The following GCNT1 variants were observed in gnomAD, a reference collection of about 807,000 sequenced individuals.
The protein encoded by GCNT1 is glucosaminyl (N-acetyl) transferase 1, also known as beta-1,3-galactosyl-O-glycosyl-glycoprotein beta-1,6-N-acetylglucosaminyltransferase.
A neutral mutation model predicts 26.2 loss-of-function variants in GCNT1; 16 were observed. That is an observed-to-expected ratio of 0.61 (90% CI 0.41 to 0.93). The LOEUF is 0.93. GCNT1 is among the 40% of genes least tolerant of loss of function. The pLI is 0.00. For synonymous variants in GCNT1, 183 were observed against 190.8 expected (o/e 0.96, Z 0.34); for missense variants, 477 against 526.7 (o/e 0.91, Z 0.92).
At chr9:76,443,659 G>C (rs1409384934) in intron 1 of GCNT1, among the ~76,000 whole-genome samples, 1 of 152,150 alleles carries the variant, frequency 6.6e-6, no homozygotes, top group Non-Finnish European at 1.5e-5. Context: ...TTTATGGCCA[G>C]TTTTGGGGCC....
chr9:76,479,703 G>C (rs1336597961), intron 2 of GCNT1, among the ~76,000 whole-genome samples: 1 of 152,136 alleles, frequency 6.6e-6, no homozygotes, highest in East Asian at 1.9e-4. Context: ...CTTGTTGATG[G>C]GGTTGTTTGT....
intron 2 of GCNT1, among the ~76,000 whole-genome samples, chr9:76,484,988 C>T (rs1824532941): frequency 6.6e-6 from 1 of 152,004 alleles, no homozygotes; most frequent in Non-Finnish European, 1.5e-5. Flanking sequence ...GGGGTTTCAC[C>T]ATGTTGGCCA....
chr9:76,491,536 C>T lies in GCNT1; in HGVS notation c.-289-9380C>T, dbSNP rs923174400. 1.6e-4 allele frequency among the ~76,000 whole-genome samples: 25 copies of T among 152,272 alleles called. No individual in the cohort carries two copies. In the East Asian group the frequency reaches 1.9e-3, roughly 12 times the overall value. ...TTTTCCCTTTCCCAGTTTTAAGGCTCGGGTAAGTGCCACTGGTTCTGCTAA... is the reference window on the plus strand; with the variant it reads ...TTTTCCCTTTCCCAGTTTTAAGGCTTGGGTAAGTGCCACTGGTTCTGCTAA... On this transcript the variant is annotated intron_variant, in intron 2 of 3. Coordinates refer to ENST00000376730, the MANE Select transcript of GCNT1 (RefSeq NM_001490.5).
intron 1 of GCNT1, among the ~76,000 whole-genome samples, chr9:76,434,587 A>G (rs1259274840): frequency 6.6e-6 from 1 of 152,170 alleles, no homozygotes; most frequent in Non-Finnish European, 1.5e-5. Flanking sequence ...ATCTGATTGT[A>G]AAACATGTGT....
the GCNT1 span, among the ~76,000 whole-genome samples, chr9:76,413,662 TTTTTTG>T: frequency 2.6e-5 from 3 of 114,550 alleles, no homozygotes; most frequent in South Asian, 2.7e-4. Flanking sequence ...TGTTTTTTTT[TTTTTTG>T]TTTTTTTTTT....
At chr9:76,478,977 AGG>A (rs1275670578) in intron 2 of GCNT1, among the ~76,000 whole-genome samples, 1 of 152,174 alleles carries the variant, frequency 6.6e-6, no homozygotes, top group Non-Finnish European at 1.5e-5. Context: ...CATTTACATT[AGG>A]TATATCTCCT....
At chr9:76,412,315 A>T in the GCNT1 span, among the ~76,000 whole-genome samples, 46 of 152,310 alleles carry the variant, frequency 3.0e-4, no homozygotes, top group East Asian at 3.9e-4. Context: ...CCAATTAAAA[A>T]TTTTTTAAGT....
rs978893321 is a variant in GCNT1, at chr9:76,503,520, T to A, written c.1139T>A (p.Val380Glu). 1.9e-6 allele frequency: 3 copies of A among 1,614,042 alleles called. No individual in the cohort carries two copies. The highest frequency in any genetic ancestry group is 1.3e-5 in the African/African-American group (1 of 74,930). The change falls in exon 4 of 4, where the codon GTG becomes GAG. Residue 380 changes from valine to glutamate, a missense_variant. By Grantham distance (121) the Val-to-Glu change is moderately radical. Transcript: ENST00000376730. The stretch of plus-strand genomic sequence containing the variant: ...TGCGATGGAGTCCATGTGCGCTCAG[T>A]GTGCATTTTCGGAGCTGGTGACTTG... The part of the protein sequence containing the change: ...PPCDGVHVRS[V>E]CIFGAGDLNW...
At chr9:76,398,246 A>G in the GCNT1 span, among the ~76,000 whole-genome samples, 41 of 152,270 alleles carry the variant, frequency 2.7e-4, 1 homozygote, top group Admixed American at 2.7e-3. Flanking sequence ...GAATTCTTAA[A>G]ATTCAGCAAT....
intron 2 of GCNT1, among the ~76,000 whole-genome samples, chr9:76,495,127 G>A (rs529401905): frequency 1.3e-5 from 2 of 152,296 alleles, no homozygotes; most frequent in Admixed American, 6.5e-5. Context: ...AAAGGGGTCC[G>A]ATGGTACTCA....
intron 1 of GCNT1, among the ~76,000 whole-genome samples, chr9:76,449,043 C>T (rs1436888292): frequency 6.6e-6 from 1 of 152,066 alleles, no homozygotes; most frequent in Non-Finnish European, 1.5e-5. Flanking sequence ...ATATGCCACC[C>T]CAGGCTGGGC....
At chr9:76,430,438 G>A (rs1823321459) in intron 1 of GCNT1, among the ~76,000 whole-genome samples, 1 of 151,942 alleles carries the variant, frequency 6.6e-6, no homozygotes, top group Non-Finnish European at 1.5e-5. Flanking sequence ...CTGGAGTGCA[G>A]TAGTGGGATC....
At chr9:76,469,478 C>T (rs1824080564) in intron 2 of GCNT1, among the ~76,000 whole-genome samples, 2 of 152,204 alleles carry the variant, frequency 1.3e-5, no homozygotes, top group South Asian at 2.1e-4. Context: ...GGCATTCCAG[C>T]CAGCAACGGC....
At chr9:76,443,925 G>GA (rs1823525119) in intron 1 of GCNT1, among the ~76,000 whole-genome samples, 1 of 57,014 alleles carries the variant, frequency 1.8e-5, no homozygotes, top group African/African-American at 7.4e-5. Context: ...AAGGAAGAAA[G>GA]GAAGAAAGGA....
chr9:76,441,071 AAAC>A (rs371061095), upstream of GCNT1, among the ~76,000 whole-genome samples: 12,233 of 148,894 alleles, frequency 0.082, 830 homozygotes, highest in African/African-American at 0.17. Context: ...TCTCAAAAAA[AAAC>A]AAAAAAACCT....
intron 2 of GCNT1, among the ~76,000 whole-genome samples, chr9:76,497,991 T>A (rs1824957867): frequency 6.6e-6 from 1 of 152,236 alleles, no homozygotes; most frequent in South Asian, 2.1e-4. Context: ...TTCATTGCCA[T>A]TCCCCCATGT....
At chr9:76,467,800 G>T (rs532862554) in intron 2 of GCNT1, among the ~76,000 whole-genome samples, 1 of 151,744 alleles carries the variant, frequency 6.6e-6, no homozygotes, top group South Asian at 2.1e-4. Flanking sequence ...GGAAGCGAAG[G>T]ACAGTCCTTT....
intron 2 of GCNT1, among the ~76,000 whole-genome samples, chr9:76,500,258 C>T (rs571373989): frequency 2.0e-5 from 3 of 152,192 alleles, no homozygotes; most frequent in African/African-American, 7.2e-5. Flanking sequence ...TTTCCTGGAC[C>T]AGTTGTCTAA....
the GCNT1 span, among the ~76,000 whole-genome samples, chr9:76,410,599 TA>T: frequency 6.6e-6 from 1 of 152,074 alleles, no homozygotes; most frequent in African/African-American, 2.4e-5. Flanking sequence ...TTTTAAATAA[TA>T]AAAAAAGTTT....
Sources: gnomAD v4.1 joint callset for allele counts (sites outside exome capture counted in the v4.1 genomes callset) on GRCh38, gnomAD v4.1.1 for gene constraint, MANE v1.5 for transcripts, NCBI Gene and HGNC (gene_info 2026-07-23, HGNC 2026-07-21) for gene names.